Variants in TAF11 observed in about 807,000 individuals in gnomAD.
The protein encoded by TAF11 is TATA-box binding protein associated factor 11.
A neutral mutation model predicts 23.0 loss-of-function variants in TAF11; 10 were observed. The ratio of observed to expected loss-of-function variants is 0.43; its 90% CI spans 0.27 to 0.74. The LOEUF (loss-of-function observed/expected upper bound fraction) is 0.74. Among genes scored for constraint, TAF11 ranks in the 30% least tolerant of loss-of-function variants. The pLI is 0.19. For missense variants in TAF11, 196 were observed against 261.7 expected, an observed-to-expected ratio of 0.75 and a Z score of 1.73; for synonymous variants, 85 against 95.8, an observed-to-expected ratio of 0.89 and a Z score of 0.66.
intron 4 of TAF11, 82 bp from the exon 5 acceptor site, chr6:34,878,802 G>A: frequency 5.5e-6 from 7 of 1,273,710 alleles, no homozygotes; most frequent in Non-Finnish European, 7.8e-6. Flanking sequence ...TGTAATTCTT[G>A]TTAACTTTTC....
intron 4 of TAF11, chr6:34,879,712 C>T (rs1211238289): frequency 3.3e-5 from 33 of 985,338 alleles, no homozygotes; most frequent in Non-Finnish European, 3.9e-5. Flanking sequence ...GCAGAAAATA[C>T]AAAGTCTACT....
Position 34,887,932 on chromosome 6 carries a change from G to A in TAF11, c.26C>T (p.Ser9Phe), listed in dbSNP as rs1263291235. 7.4e-6 allele frequency: 12 copies of A among 1,614,074 alleles called. No homozygotes were observed. In the African/African-American group the frequency reaches 1.5e-4, roughly 20 times the overall value. The change falls in exon 1 of 5, where the codon TCC becomes TTC. Residue 9 changes from serine to phenylalanine, a missense_variant. Physicochemically the swap from Ser to Phe is radical, Grantham distance 155 (BLOSUM62 -2). Transcript: ENST00000361288. ...CTCCCCTGTCTCTCCACCTTTGTCG[G>A]AGGGCGACTCGTGGGCATCGTCCAT... MDDAHESP[S>F]DKGGETGESD... is the part of the protein sequence containing the mutation.
Position 34,878,720 on chromosome 6 carries a change from G to T in TAF11, c.506C>A (p.Ala169Glu). 6.2e-7 allele frequency: 1 copy of T among 1,613,672 alleles called. No individual in the cohort carries two copies. Among genetic ancestry groups the T allele is most frequent in the Non-Finnish European group, 8.5e-7 (1 of 1,179,632 alleles). The change falls in exon 5 of 5, where the codon GCA becomes GAA. Residue 169 changes from alanine to glutamate, a missense_variant and splice_region_variant. Transcript: ENST00000361288. ...KVFVGEVVEE[A>E]LDVCEKWGEM... is the part of the protein sequence containing the mutation. ...TCCCCACTTCTCACACACATCCAGT[G>T]CTAAACAGAGGGTAAGGAGAAAGTC...
rs749424687 is a variant in TAF11, at chr6:34,880,044, C to T, written c.428G>A (p.Gly143Asp). 2.4e-5 allele frequency: 38 copies of T among 1,613,992 alleles called. No homozygotes were observed. In the South Asian group the frequency reaches 3.2e-4, roughly 14 times the overall value. ...AIKRLIQSIT[G>D]TSVSQNVVIA... ...AACAACATTCTGAGACACAGAGGTGCCAGTGATGGACTGGATCAGCTTGAA... is the reference window on the plus strand; with the variant it reads ...AACAACATTCTGAGACACAGAGGTGTCAGTGATGGACTGGATCAGCTTGAA... The change falls in exon 4 of 5, where the codon GGC becomes GAC. Residue 143 changes from glycine to aspartate, a missense_variant. Transcript: ENST00000361288. This position sits in a 1 kb window ranked among gnomAD's most constrained non-coding sequence, Gnocchi z 4.8.
At chr6:34,883,560 C>A (rs77487017) in intron 1 of TAF11, among the ~76,000 whole-genome samples, 204 of 152,342 alleles carry the variant, frequency 1.3e-3, no homozygotes, top group African/African-American at 4.7e-3. Context: ...TTGGGACTTT[C>A]AAGTGAGCTT....
chr6:34,879,930 C>T, intron 4 of TAF11, 37 bp downstream of exon 4: 1 of 1,598,634 alleles, frequency 6.3e-7, no homozygotes, highest in African/African-American at 1.3e-5. Context: ...AAGACCACCA[C>T]AGGTACAATC....
chr6:34,878,705 TCA>T lies in TAF11; in HGVS notation c.519_520del (p.Cys173Ter). The T allele has an allele frequency of 6.2e-7, 1 of 1,614,086 alleles. No individual in the cohort carries two copies. The highest frequency in any genetic ancestry group is 8.5e-7 in the Non-Finnish European group (1 of 1,179,968). ...TAGTGGTGGCATTTCTCCCCACTTC[TCA>T]CACACATCCAGTGCTAAACAGAGGG... On this transcript the variant is annotated stop_gained and frameshift_variant, in exon 5 of 5. Transcript: ENST00000361288. LOFTEE classifies it high-confidence loss of function.
chr6:34,883,114 G>T, intron 1 of TAF11, 34 bp from the exon 2 acceptor site: 2 of 1,586,760 alleles, frequency 1.3e-6, no homozygotes, highest in Non-Finnish European at 8.5e-7. Flanking sequence ...TTATATATTT[G>T]GCCTACTTTC....
chr6:34,887,844 C>T lies in TAF11; in HGVS notation c.114G>A (p.Glu38=), dbSNP rs763265727. 65 of 1,614,114 alleles carry T rather than the reference C, an allele frequency of 4.0e-5. No individual in the cohort carries two copies. Among genetic ancestry groups the T allele is most frequent in the Non-Finnish European group, 5.4e-5 (64 of 1,180,054 alleles). The change falls in exon 1 of 5, where the codon GAG becomes GAA. Residue 38 remains glutamate (E), a synonymous_variant. Transcript: ENST00000361288. ...PGATDTDGIP[E]ETDGDADVDL... is the part of the protein sequence containing the mutation. ...CCACATCTGCGTCTCCGTCAGTTTC[C>T]TCTGGGATTCCATCGGTGTCGGTAG...
chr6:34,883,807 A>T (rs145837877), intron 1 of TAF11, among the ~76,000 whole-genome samples: 1 of 152,214 alleles, frequency 6.6e-6, no homozygotes, highest in Admixed American at 6.5e-5. Context: ...GCCAACAATC[A>T]TGTGAAAAAA....
chr6:34,879,352 A>T, intron 4 of TAF11: 1 of 958,344 alleles, frequency 1.0e-6, no homozygotes, highest in East Asian at 1.2e-4. Flanking sequence ...CACTGTTACC[A>T]TCTCATTTTG....
Position 34,882,973 on chromosome 6 carries a change from C to T in TAF11, c.279G>A (p.Glu93=). ...CATCTTCATCTACTTTCTGCTTTTT[C>T]TCTTTCTTTTCTTTGGTATCTATTT... ...KLKIDTKEKK[E]KKQKVDEDEI... is the part of the protein sequence containing the mutation. Residue 93 remains glutamate, a synonymous_variant, in exon 2 of 5, where the codon GAG becomes GAA. Transcript: ENST00000361288. The T allele has an allele frequency of 1.9e-6, 3 of 1,609,032 alleles. 1 individual carries two copies. The South Asian group carries it at 3.4e-5, about 18-fold the overall frequency.
rs1243389435 is a variant in TAF11, at chr6:34,887,870, C to A, written c.88G>T (p.Ala30Ser). ...ETAAVPGDPGATDTDGIPEET... is the reference protein window; with the variant it reads ...ETAAVPGDPGSTDTDGIPEET... ...TCTGGGATTCCATCGGTGTCGGTAG[C>A]CCCCGGGTCCCCGGGCACAGCGGCC... The change falls in exon 1 of 5, where the codon GCT becomes TCT. Residue 30 changes from alanine (A) to serine (S), a missense_variant. Ala to Ser is a moderately conservative substitution (Grantham distance 99). Transcript: ENST00000361288. 1 of 1,614,066 alleles carries A rather than the reference C, an allele frequency of 6.2e-7. No individual in the cohort carries two copies. The highest frequency in any genetic ancestry group is 1.7e-5 in the Admixed American group (1 of 60,004).
chr6:34,882,364 C>T (rs1286930757), intron 2 of TAF11, among the ~76,000 whole-genome samples: 1 of 151,020 alleles, frequency 6.6e-6, no homozygotes, highest in East Asian at 2.0e-4. Flanking sequence ...TAAATAGAGG[C>T]CGGGCACAGT....
rs1248712626 is a variant in TAF11, at chr6:34,880,685, T to C, written c.321-309A>G. On this transcript the variant is annotated intron_variant, in intron 2 of 4. Coordinates refer to ENST00000361288, the MANE Select transcript of TAF11 (RefSeq NM_005643.4). This position sits in a 1 kb window ranked among gnomAD's most constrained non-coding sequence, Gnocchi z 4.8. ...TCTATCTTATTGAATTTCACACTGATGGTAAAAATTTAATATACAAATTTA... is the reference window on the plus strand; with the variant it reads ...TCTATCTTATTGAATTTCACACTGACGGTAAAAATTTAATATACAAATTTA... Among the ~76,000 whole-genome samples the C allele has an allele frequency of 6.6e-6, 1 of 152,270 alleles. No individual in the cohort carries two copies. The highest frequency in any genetic ancestry group is 1.5e-5 in the Non-Finnish European group (1 of 68,050).
chr6:34,885,998 C>A (rs745973313), intron 1 of TAF11, among the ~76,000 whole-genome samples: 4 of 151,894 alleles, frequency 2.6e-5, no homozygotes, highest in Non-Finnish European at 5.9e-5. Context: ...CGCGGTGGCA[C>A]GTGTCTGTAA....
In TAF11 at chr6:34,880,163, GCA is replaced by G; in HGVS notation, c.409-102_409-101del. On this transcript the variant is annotated intron_variant, in intron 3 of 4. Coordinates refer to ENST00000361288, the MANE Select transcript of TAF11 (RefSeq NM_005643.4). This position sits in a 1 kb window ranked among gnomAD's most constrained non-coding sequence, Gnocchi z 4.8. ...CAGAAAAAGGTAAGATAACTGAAGT[GCA>G]TTTTTTTTCCCACCTAAATAATCCC... 6.6e-7 allele frequency: 1 copy of G among 1,520,250 alleles called. No individual in the cohort carries two copies. Among genetic ancestry groups the G allele is most frequent in the Non-Finnish European group, 9.1e-7 (1 of 1,100,418 alleles). 94.2% of individuals were successfully genotyped at this position (1,520,250 alleles called of 1,614,324 possible). A position where few individuals can be genotyped will look rare whatever the true frequency, so the allele number is the denominator to read the frequency against.
chr6:34,878,406 G>C lies in TAF11; in HGVS notation c.*184C>G, dbSNP rs183826538. 2 of 570,364 alleles carry C rather than the reference G, an allele frequency of 3.5e-6. No homozygotes were observed. Among genetic ancestry groups the C allele is most frequent in the Admixed American group, 5.9e-5 (2 of 34,166 alleles). The allele number at this position is 570,364 out of a possible 1,614,324, so 35.3% of individuals were successfully genotyped here. On this transcript the variant is annotated 3_prime_UTR_variant, in exon 5 of 5. Coordinates refer to ENST00000361288, the MANE Select transcript of TAF11 (RefSeq NM_005643.4). ...CAAGAGGTCCCAAAATTTAGTCAAG[G>C]CAAGTATCAATCAGGCTACATACTT... is the stretch of plus-strand genomic sequence containing the variant.
chr6:34,882,849 A>G (rs1248606063), intron 2 of TAF11, 83 bp downstream of exon 2: 11 of 1,466,952 alleles, frequency 7.5e-6, no homozygotes. Context: ...TATAAAAGAA[A>G]ATTTAAACAC....
Sources: allele counts gnomAD v4.1 joint callset (sites outside exome capture counted in the v4.1 genomes callset), GRCh38; gene constraint gnomAD v4.1.1; non-coding constraint Gnocchi (gnomAD v3.1); transcripts MANE v1.5; gene names NCBI Gene and HGNC (gene_info 2026-07-23, HGNC 2026-07-21).